Variants in GRXCR2 observed in about 807,000 individuals in gnomAD.
GRXCR2 encodes glutaredoxin and cysteine rich domain containing 2.
GRXCR2 carries 23 observed loss-of-function variants against 24.8 expected under a neutral mutation model. That is an observed-to-expected ratio of 0.93 (90% CI 0.67 to 1.32). GRXCR2 has a LOEUF of 1.32. GRXCR2 is among the 40% of genes most tolerant of loss of function. The pLI is 0.00. For missense variants in GRXCR2, 315 were observed against 303.4 expected, an observed-to-expected ratio of 1.04 and a Z score of -0.28; for synonymous variants, 130 against 116.1, an observed-to-expected ratio of 1.12 and a Z score of -0.77.
rs1401563363 is a variant in GRXCR2 at position 145,872,952 on chromosome 5, T to C, written c.17A>G (p.Lys6Arg). ...GCCATCACTCTTCTGATTCAGCTTT[T>C]TCTCAGGGTCCTCCATCAGCAGAAA... Reference protein sequence around the residue: MEDPEKKLNQKSDGKP... With the variant: MEDPERKLNQKSDGKP... The change falls in exon 1 of 3, where the codon AAA becomes AGA. Residue 6 changes from lysine (K) to arginine (R), a missense_variant. Transcript: ENST00000377976. The C allele has an allele frequency of 1.2e-5, 19 of 1,614,058 alleles. No individual in the cohort carries two copies. Among genetic ancestry groups the C allele is most frequent in the Non-Finnish European group, 1.5e-5 (18 of 1,179,876 alleles).
chr5:145,904,511 C>A (rs1022761480), intron 2 of GRXCR2, among the ~76,000 whole-genome samples: 4 of 152,174 alleles, frequency 2.6e-5, no homozygotes, highest in Non-Finnish European at 5.9e-5. Flanking sequence ...CTTCCTGCAG[C>A]CTGGACTTGG....
intron 2 of GRXCR2, among the ~76,000 whole-genome samples, chr5:145,927,916 C>T (rs1757423741): frequency 6.6e-6 from 1 of 152,122 alleles, no homozygotes; most frequent in African/African-American, 2.4e-5. Context: ...TCTAACTAAA[C>T]TAAAGAGCTT....
chr5:145,920,171 T>A (rs1006271229), intron 2 of GRXCR2, among the ~76,000 whole-genome samples: 3 of 152,066 alleles, frequency 2.0e-5, no homozygotes, highest in Non-Finnish European at 2.9e-5. Context: ...TGGGGGTGTC[T>A]ACACTATTAC....
chr5:145,916,138 C>T (rs1757234846), intron 2 of GRXCR2, among the ~76,000 whole-genome samples: 1 of 151,906 alleles, frequency 6.6e-6, no homozygotes, highest in South Asian at 2.1e-4. Flanking sequence ...TGCTCAGAGC[C>T]CCTGCTTCTG....
At chr5:145,919,830 G>A (rs1757298944) in intron 2 of GRXCR2, among the ~76,000 whole-genome samples, 1 of 152,140 alleles carries the variant, frequency 6.6e-6, no homozygotes, top group Non-Finnish European at 1.5e-5. Context: ...GAAGACTCTG[G>A]GCTGTGGAAG....
Position 145,892,659 on chromosome 5 carries a change from G to C in GRXCR2, c.-69-25931C>G, listed in dbSNP as rs936737351. Among the ~76,000 whole-genome samples the C allele has an allele frequency of 5.3e-5, 8 of 152,196 alleles. No homozygotes were observed. The South Asian group carries it at 8.3e-4, about 16-fold the overall frequency. On this transcript the variant is annotated intron_variant, in intron 2 of 3. Transcript: ENST00000639411. The stretch of plus-strand genomic sequence containing the variant: ...AAAAGACCAAATCTACGTCTGACTG[G>C]TGTACCTGAAAGTGATGGGGAGAAT...
upstream of GRXCR2, chr5:145,873,111 T>C (rs1456862872): frequency 1.6e-6 from 1 of 644,984 alleles, no homozygotes; most frequent in East Asian, 2.7e-5. Context: ...TTACAGCAAC[T>C]GACACCCATA....
intron 2 of GRXCR2, among the ~76,000 whole-genome samples, chr5:145,861,688 A>G (rs1015533932): frequency 3.3e-5 from 5 of 152,312 alleles, no homozygotes; most frequent in Admixed American, 3.3e-4. Context: ...TCAAATGAAT[A>G]AACAAATGAA....
chr5:145,904,595 C>A (rs1226347453), intron 2 of GRXCR2, among the ~76,000 whole-genome samples: 1 of 152,224 alleles, frequency 6.6e-6, no homozygotes, highest in East Asian at 1.9e-4. Flanking sequence ...TCCCCTGCTC[C>A]GTGTGGTCCT....
chr5:145,880,089 C>T (rs1029422838), intron 2 of GRXCR2, among the ~76,000 whole-genome samples: 2 of 152,130 alleles, frequency 1.3e-5, no homozygotes, highest in African/African-American at 4.8e-5. Flanking sequence ...CAAGAGAAAG[C>T]AGGAAAGATC....
chr5:145,890,364 A>G (rs1285853631), intron 2 of GRXCR2, among the ~76,000 whole-genome samples: 3 of 152,210 alleles, frequency 2.0e-5, no homozygotes, highest in African/African-American at 7.2e-5. Flanking sequence ...TGCTGAGATT[A>G]CAGGTGTGAG....
At chr5:145,930,289 T>C (rs1757461412) in intron 2 of GRXCR2, among the ~76,000 whole-genome samples, 2 of 152,126 alleles carry the variant, frequency 1.3e-5, no homozygotes, top group African/African-American at 4.8e-5. Context: ...TTTGCCACGT[T>C]GCCCAGGCTG....
chr5:145,903,483 T>C (rs994323107), intron 2 of GRXCR2, among the ~76,000 whole-genome samples: 1 of 151,234 alleles, frequency 6.6e-6, no homozygotes, highest in Non-Finnish European at 1.5e-5. Flanking sequence ...GCCACTGAAG[T>C]CACCAAAACA....
At chr5:145,873,111 TG>T, upstream of GRXCR2, 1 of 644,984 alleles carries the variant, frequency 1.6e-6, no homozygotes, top group South Asian at 2.0e-5. Context: ...TTACAGCAAC[TG>T]ACACCCATAC....
chr5:145,888,491 A>G (rs1000237753), intron 2 of GRXCR2, among the ~76,000 whole-genome samples: 6 of 152,226 alleles, frequency 3.9e-5, no homozygotes, highest in African/African-American at 1.4e-4. Flanking sequence ...CAACCTGTGC[A>G]GGTTACTTGA....
intron 2 of GRXCR2, among the ~76,000 whole-genome samples, chr5:145,913,454 T>C (rs1413649068): frequency 6.6e-6 from 1 of 152,132 alleles, no homozygotes; most frequent in African/African-American, 2.4e-5. Context: ...GTCAATTTAG[T>C]TTATACAGTC....
chr5:145,918,224 T>G (rs747499845), intron 2 of GRXCR2, among the ~76,000 whole-genome samples: 1 of 152,236 alleles, frequency 6.6e-6, no homozygotes, highest in African/African-American at 2.4e-5. Flanking sequence ...AACAGAACTT[T>G]ACAACTTACA....
intron 2 of GRXCR2, among the ~76,000 whole-genome samples, chr5:145,897,719 T>C (rs1194770093): frequency 1.3e-5 from 2 of 152,108 alleles, no homozygotes; most frequent in Admixed American, 1.3e-4. Context: ...AGTAAATTAC[T>C]TTTGGTAAGC....
intron 2 of GRXCR2, among the ~76,000 whole-genome samples, chr5:145,860,479 G>A (rs1756316760): frequency 6.6e-6 from 1 of 152,186 alleles, no homozygotes; most frequent in Non-Finnish European, 1.5e-5. Flanking sequence ...TTGAGCACCA[G>A]AATTCATGCT....
Sources: allele counts gnomAD v4.1 joint callset (sites outside exome capture counted in the v4.1 genomes callset), GRCh38; gene constraint gnomAD v4.1.1; transcripts MANE v1.5; gene names NCBI Gene and HGNC (gene_info 2026-07-23, HGNC 2026-07-21).